Variants in NPAS3 observed in about 807,000 individuals in gnomAD.
NPAS3 encodes the protein neuronal PAS domain-containing protein 3.
A neutral mutation model predicts 73.1 loss-of-function variants in NPAS3; 14 were observed. That is an observed-to-expected ratio of 0.19 (90% CI 0.13 to 0.30). The LOEUF (loss-of-function observed/expected upper bound fraction) is 0.30. Among genes scored for constraint, NPAS3 ranks in the 10% least tolerant of loss-of-function variants. NPAS3 has a pLI of 1.00. For missense variants in NPAS3, 1,096 were observed against 1,250.0 expected, an observed-to-expected ratio of 0.88 and a Z score of 1.86; for synonymous variants, 620 against 541.5, an observed-to-expected ratio of 1.14 and a Z score of -2.01.
At chr14:33,705,081 C>A (rs2060620914) in intron 6 of NPAS3, among the ~76,000 whole-genome samples, 1 of 152,122 alleles carries the variant, frequency 6.6e-6, no homozygotes, top group Non-Finnish European at 1.5e-5. Context: ...GGGGAAGCGC[C>A]CTCATTTTTA....
chr14:33,211,094 G>T (rs569189767), intron 2 of NPAS3, among the ~76,000 whole-genome samples: 2 of 152,224 alleles, frequency 1.3e-5, no homozygotes, highest in East Asian at 3.9e-4. Context: ...CCATTGTAAA[G>T]ATCTTATTTA....
intron 3 of NPAS3, among the ~76,000 whole-genome samples, chr14:33,288,192 G>A (rs570075264): frequency 9.9e-5 from 15 of 152,144 alleles, no homozygotes; most frequent in Non-Finnish European, 1.5e-4. Flanking sequence ...CCAAGTCCAG[G>A]AGTCTCAGCC....
intron 2 of NPAS3, among the ~76,000 whole-genome samples, chr14:33,145,411 C>A (rs923639167): frequency 1.3e-5 from 2 of 152,154 alleles, no homozygotes; most frequent in Non-Finnish European, 2.9e-5. Flanking sequence ...TGATTTGAAA[C>A]CTTTTTTCTC....
In NPAS3 at chr14:33,399,663, T is replaced by G. The variant is rs2138728233; in HGVS notation, c.468+32395T>G. Reference sequence around the variant, plus strand: ...ATTAGTTGTAGATGAAGCTGGGTTTTTTTTTTTTCTTTATGCCACAGAAAT... The same window carrying G: ...ATTAGTTGTAGATGAAGCTGGGTTTGTTTTTTTTCTTTATGCCACAGAAAT... On this transcript the variant is annotated intron_variant, in intron 4 of 11. Coordinates refer to ENST00000356141, the Ensembl canonical transcript of NPAS3. Among the ~76,000 whole-genome samples, 2 of 152,134 alleles carry G rather than the reference T, an allele frequency of 1.3e-5. 1 individual carries two copies. Among genetic ancestry groups the G allele is most frequent in the South Asian group, 4.1e-4 (2 of 4,822 alleles).
chr14:33,320,403 C>T (rs896386607), intron 3 of NPAS3, among the ~76,000 whole-genome samples: 19 of 152,030 alleles, frequency 1.2e-4, no homozygotes, highest in African/African-American at 2.2e-4. Context: ...CAAATCTGCA[C>T]GTTGTGCACG....
At chr14:32,946,760 G>T (rs918965719) in intron 1 of NPAS3, among the ~76,000 whole-genome samples, 14 of 152,136 alleles carry the variant, frequency 9.2e-5, no homozygotes, top group Non-Finnish European at 1.5e-4. Flanking sequence ...TTTATGAAAG[G>T]ATAAGTTGCC....
At chr14:33,229,549 G>A (rs998182743) in intron 3 of NPAS3, among the ~76,000 whole-genome samples, 3 of 152,182 alleles carry the variant, frequency 2.0e-5, no homozygotes, top group African/African-American at 4.8e-5. Context: ...TAGACGGTGC[G>A]AAAGAGCATG....
intron 6 of NPAS3, among the ~76,000 whole-genome samples, chr14:33,722,519 A>C (rs1422165186): frequency 6.6e-6 from 1 of 152,218 alleles, no homozygotes; most frequent in East Asian, 1.9e-4. Context: ...TGATGCCTAC[A>C]CATATAGTAG....
chr14:32,936,164 G>A (rs1308060710), upstream of NPAS3, among the ~76,000 whole-genome samples: 5 of 152,178 alleles, frequency 3.3e-5, no homozygotes, highest in Admixed American at 3.3e-4. Context: ...ATCTATCACT[G>A]CCATATTTTG....
chr14:33,476,881 G>A (rs1482570581), intron 4 of NPAS3, among the ~76,000 whole-genome samples: 3 of 152,150 alleles, frequency 2.0e-5, no homozygotes, highest in Non-Finnish European at 4.4e-5. Flanking sequence ...GAACCACTTG[G>A]AAATGACAGT....
intron 7 of NPAS3, among the ~76,000 whole-genome samples, chr14:33,771,946 C>T (rs920241451): frequency 6.6e-6 from 1 of 152,166 alleles, no homozygotes; most frequent in Non-Finnish European, 1.5e-5. Context: ...TTGCCATTTA[C>T]AAGCTAGGTG....
At chr14:33,284,064 A>G (rs1245436545) in intron 3 of NPAS3, among the ~76,000 whole-genome samples, 1 of 152,146 alleles carries the variant, frequency 6.6e-6, no homozygotes, top group Non-Finnish European at 1.5e-5. Context: ...CAATTATTGT[A>G]TCATGCTATA....
intron 2 of NPAS3, among the ~76,000 whole-genome samples, chr14:33,165,413 G>A (rs1020337331): frequency 1.6e-4 from 25 of 151,938 alleles, no homozygotes; most frequent in African/African-American, 5.1e-4. Flanking sequence ...TTTCTATGGG[G>A]ACTACAGAGA....
At chr14:33,142,372 T>C (rs2044087072) in intron 2 of NPAS3, among the ~76,000 whole-genome samples, 2 of 152,084 alleles carry the variant, frequency 1.3e-5, no homozygotes, top group Admixed American at 1.3e-4. Flanking sequence ...ATAAATGTGG[T>C]TCTGATGCTA....
intron 5 of NPAS3, among the ~76,000 whole-genome samples, chr14:33,605,182 A>C (rs1191303459): frequency 1.3e-5 from 2 of 152,034 alleles, no homozygotes; most frequent in Non-Finnish European, 2.9e-5. Context: ...GCTAAGTAGG[A>C]ATAAAATAGA....
At chr14:33,320,802 G>A (rs2043409785) in intron 3 of NPAS3, among the ~76,000 whole-genome samples, 1 of 152,104 alleles carries the variant, frequency 6.6e-6, no homozygotes, top group African/African-American at 2.4e-5. Flanking sequence ...GGAAAGTAAG[G>A]CATGTATTTG....
At chr14:33,169,516 C>T (rs1485075152) in intron 2 of NPAS3, among the ~76,000 whole-genome samples, 1 of 152,210 alleles carries the variant, frequency 6.6e-6, no homozygotes, top group Middle Eastern at 3.4e-3. Context: ...TGCAGTGAGC[C>T]GAGATCATGC....
chr14:33,506,395 G>A (rs1475096238), intron 4 of NPAS3, among the ~76,000 whole-genome samples: 1 of 152,000 alleles, frequency 6.6e-6, no homozygotes, highest in South Asian at 2.1e-4. Context: ...ATATATAAGT[G>A]AAAGATACTA....
intron 4 of NPAS3, among the ~76,000 whole-genome samples, chr14:33,534,333 T>C (rs2054169768): frequency 6.6e-6 from 1 of 151,980 alleles, no homozygotes; most frequent in African/African-American, 2.4e-5. Flanking sequence ...AACTCCAGAA[T>C]GGGCCTGATT....
Sources: allele counts gnomAD v4.1 joint callset (sites outside exome capture counted in the v4.1 genomes callset), GRCh38; gene constraint gnomAD v4.1.1; transcripts MANE v1.5; gene names NCBI Gene and HGNC (gene_info 2026-07-23, HGNC 2026-07-21).